The following PCDHA4 variants were observed in gnomAD, a reference collection of about 807,000 sequenced individuals.
PCDHA4 encodes protocadherin alpha-4.
PCDHA4 carries 49 observed loss-of-function variants against 61.4 expected under a neutral mutation model. The ratio of observed to expected loss-of-function variants is 0.80; its 90% CI spans 0.63 to 1.01. The LOEUF (loss-of-function observed/expected upper bound fraction) is 1.01. Ranked by LOEUF, PCDHA4 falls within the 50% of genes least tolerant of loss-of-function variation. The pLI, the probability that PCDHA4 is intolerant of heterozygous loss-of-function variation, is 0.00. For synonymous variants in PCDHA4, 590 were observed against 550.3 expected (o/e 1.07, Z -1.01); for missense variants, 1,254 against 1,235.8 (o/e 1.01, Z -0.22).
chr5:140,836,887 T>C, intron 1 of PCDHA4: 1 of 643,788 alleles, frequency 1.6e-6, no homozygotes, highest in South Asian at 2.6e-5. Context: ...CACTAATTAT[T>C]TGGAAGTACG....
chr5:140,862,358 ACG>A (rs1554156250), intron 1 of PCDHA4: 1 of 337,982 alleles, frequency 3.0e-6, no homozygotes, highest in Non-Finnish European at 5.8e-6. Context: ...CAAGGGACAG[ACG>A]ACCCGCACCC....
chr5:140,892,497 T>C (rs1459778884), intron 1 of PCDHA4, among the ~76,000 whole-genome samples: 1 of 152,238 alleles, frequency 6.6e-6, no homozygotes, highest in Non-Finnish European at 1.5e-5. Context: ...GAGAGATTGT[T>C]TAAGAAGTTC....
rs781785142 is a variant in PCDHA4, at chr5:140,871,450, G to A, written c.2385+61878G>A. 4 of 1,608,718 alleles carry A rather than the reference G, an allele frequency of 2.5e-6. No individual in the cohort carries two copies. The highest frequency in any genetic ancestry group is 2.2e-5 in the South Asian group (2 of 90,488). ...TCTTCCTCTAGGTCTGAATAAAGAG[G>A]AGGAAGGGGAAAGACAGGAGCCAGG... On this transcript the variant is annotated intron_variant, in intron 1 of 3. Coordinates refer to ENST00000530339, the MANE Select transcript of PCDHA4 (RefSeq NM_018907.4).
intron 1 of PCDHA4, among the ~76,000 whole-genome samples, chr5:140,922,046 A>C (rs1388720677): frequency 6.6e-6 from 1 of 152,150 alleles, no homozygotes; most frequent in Non-Finnish European, 1.5e-5. Flanking sequence ...TTTCCCACAT[A>C]CCTTCAAAAT....
chr5:140,875,313 C>T, intron 1 of PCDHA4: 3 of 1,425,730 alleles, frequency 2.1e-6, no homozygotes, highest in Non-Finnish European at 9.1e-7. Flanking sequence ...CACCCACATT[C>T]CAATCATTCA....
At chr5:140,968,846 C>T (rs1554231159) in intron 1 of PCDHA4, 1 of 1,614,186 alleles carries the variant, frequency 6.2e-7, no homozygotes. Context: ...CACTCAGAGG[C>T]ATGTTAAGAG....
chr5:140,879,894 T>C (rs2153369518), intron 1 of PCDHA4, among the ~76,000 whole-genome samples: 1 of 152,348 alleles, frequency 6.6e-6, no homozygotes. Context: ...CTCCTCTCCA[T>C]GTCTCTCTCT....
chr5:140,871,208 C>A (rs782698436), intron 1 of PCDHA4: 1 of 1,613,802 alleles, frequency 6.2e-7, no homozygotes, highest in Non-Finnish European at 8.5e-7. Context: ...CTGATCATCG[C>A]CATCTGCGTG....
chr5:140,985,841 G>A (rs2097174040), intron 3 of PCDHA4, among the ~76,000 whole-genome samples: 1 of 145,238 alleles, frequency 6.9e-6, no homozygotes, highest in Admixed American at 7.3e-5. Context: ...CCGGGTTCAT[G>A]CCACTCTCCT....
chr5:140,982,340 G>C (rs1186327832), intron 2 of PCDHA4, 135 bp from the exon 3 acceptor site: 1 of 1,458,038 alleles, frequency 6.9e-7, no homozygotes, highest in East Asian at 2.5e-5. Flanking sequence ...AGCAGTAATT[G>C]CTTCAGTTCA....
intron 1 of PCDHA4, among the ~76,000 whole-genome samples, chr5:140,874,551 T>C (rs1418780563): frequency 6.6e-6 from 1 of 152,222 alleles, no homozygotes; most frequent in African/African-American, 2.4e-5. Flanking sequence ...CTTTAAGAGA[T>C]CTTTCGCATT....
At position 140,807,363 on chromosome 5, in the gene PCDHA4, T is replaced by C. The variant is rs1554123903; in HGVS notation, c.176T>C (p.Leu59Pro). 1.2e-6 allele frequency: 2 copies of C among 1,609,620 alleles called. No individual in the cohort carries two copies. Among genetic ancestry groups the C allele is most frequent in the East Asian group, 2.2e-5 (1 of 44,712 alleles). The change falls in exon 1 of 4, where the codon CTG becomes CCG. Residue 59 changes from leucine to proline, a missense_variant. Leu to Pro is a moderately conservative substitution (Grantham distance 98). Coordinates refer to ENST00000530339, the MANE Select transcript of PCDHA4 (RefSeq NM_018907.4). ...AQDLGLELAE[L>P]VPRLFRVASK... ...GACCTGGGACTGGAGCTGGCGGAGC[T>C]GGTGCCGCGCCTGTTCCGGGTGGCG... is the stretch of plus-strand genomic sequence containing the variant.
intron 1 of PCDHA4, chr5:140,863,589 T>C: frequency 2.8e-6 from 1 of 359,456 alleles, no homozygotes; most frequent in Admixed American, 3.7e-5. Flanking sequence ...TCCTGGAAAG[T>C]ATTTCATTCC....
intron 1 of PCDHA4, among the ~76,000 whole-genome samples, chr5:140,956,062 T>G (rs2153708941): frequency 6.6e-6 from 1 of 152,228 alleles, no homozygotes; most frequent in South Asian, 2.1e-4. Flanking sequence ...GACAATGGGG[T>G]TTTCCAGATA....
In PCDHA4 at chr5:140,967,246, G is replaced by T. The variant is rs569213693; in HGVS notation, c.2386-11703G>T. On this transcript the variant is annotated intron_variant, in intron 1 of 3. Coordinates refer to ENST00000530339, the MANE Select transcript of PCDHA4 (RefSeq NM_018907.4). ...ACTACCAGCTTCAGGTAAGCGAATCGGTGGCGCCTGGAGCGCGCTTTCACA... is the reference window on the plus strand; with the variant it reads ...ACTACCAGCTTCAGGTAAGCGAATCTGTGGCGCCTGGAGCGCGCTTTCACA... The T allele has an allele frequency of 9.6e-5, 155 of 1,613,594 alleles. 2 individuals carry two copies. In the South Asian group the frequency reaches 1.4e-3, roughly 15 times the overall value.
In PCDHA4 at chr5:140,841,621, G is replaced by A. The variant is rs2150319619; in HGVS notation, c.2385+32049G>A. 7.4e-6 allele frequency: 12 copies of A among 1,614,032 alleles called. No homozygotes were observed. The African/African-American group carries it at 1.3e-4, about 18-fold the overall frequency. On this transcript the variant is annotated intron_variant, in intron 1 of 3. Coordinates refer to ENST00000530339, the MANE Select transcript of PCDHA4 (RefSeq NM_018907.4). ...GCGAGGAGCTGTGCGGGCGGAGCGC[G>A]GAGTGCAGCATCCACCTGGAGGTGA...
chr5:140,930,841 A>T (rs2087150671), intron 1 of PCDHA4, among the ~76,000 whole-genome samples: 1 of 152,230 alleles, frequency 6.6e-6, no homozygotes, highest in South Asian at 2.1e-4. Context: ...ATGAATAAAT[A>T]TGTGCATATA....
chr5:140,813,540 A>G (rs1554126219), intron 1 of PCDHA4: 2 of 152,230 alleles, frequency 1.3e-5, no homozygotes, highest in Admixed American at 1.3e-4. Flanking sequence ...GTACACCTGA[A>G]TAGGGTACTT....
In PCDHA4 at chr5:140,852,910, G is replaced by C. The variant is rs2150524838; in HGVS notation, c.2385+43338G>C. 404 of 797,110 alleles carry C rather than the reference G, an allele frequency of 5.1e-4. 8 individuals are homozygous for C. In the South Asian group the frequency reaches 0.02, roughly 39 times the overall value. 49.4% of individuals were successfully genotyped at this position (797,110 alleles called of 1,614,324 possible). A position where few individuals can be genotyped will look rare whatever the true frequency, so the allele number is the denominator to read the frequency against. ...ATTTTTTTTTTTGAGTCAGAGTCTCGCTCTGTTGCCCAGGCTGGAGTGCAG... is the reference window on the plus strand; with the variant it reads ...ATTTTTTTTTTTGAGTCAGAGTCTCCCTCTGTTGCCCAGGCTGGAGTGCAG... On this transcript the variant is annotated intron_variant, in intron 1 of 3. Transcript: ENST00000530339.
Sources: gnomAD v4.1 joint callset for allele counts (sites outside exome capture counted in the v4.1 genomes callset) on GRCh38, gnomAD v4.1.1 for gene constraint, MANE v1.5 for transcripts, NCBI Gene and HGNC (gene_info 2026-07-23, HGNC 2026-07-21) for gene names.